LCLAT1: variants seen among roughly 807,000 people sequenced by gnomAD.
The protein encoded by LCLAT1 is 1-AGP acyltransferase 8.
LCLAT1 carries 11 observed loss-of-function variants against 30.7 expected under a neutral mutation model. That is an observed-to-expected ratio of 0.36 (90% CI 0.23 to 0.59). The LOEUF is 0.59. Among genes scored for constraint, LCLAT1 ranks in the 20% least tolerant of loss-of-function variants. The probability of loss-of-function intolerance (pLI) is 0.77; values close to 1 mark genes in which losing one functional copy is unlikely to be tolerated. For synonymous variants in LCLAT1, 155 were observed against 151.3 expected, an observed-to-expected ratio of 1.02 and a Z score of -0.18; for missense variants, 402 against 458.6, an observed-to-expected ratio of 0.88 and a Z score of 1.13.
In LCLAT1 at chr2:30,640,271, C is replaced by A. The variant is rs1385724909; in HGVS notation, c.783C>A (p.Asp261Glu). 1 of 1,614,058 alleles carries A rather than the reference C, an allele frequency of 6.2e-7. No homozygotes were observed. The highest frequency in any genetic ancestry group is 1.7e-5 in the Admixed American group (1 of 59,996). ...PIDTLPTSKEDLQLWCHKRWE... is the reference protein window; with the variant it reads ...PIDTLPTSKEELQLWCHKRWE... Reference sequence around the variant, plus strand: ...ACACCCTCCCCACATCCAAGGAGGACCTTCAACTCTGGTGCCACAAACGGT... The same window carrying A: ...ACACCCTCCCCACATCCAAGGAGGAACTTCAACTCTGGTGCCACAAACGGT... Residue 261 changes from aspartate to glutamate, a missense_variant, in exon 6 of 6, where the codon GAC (aspartate) becomes GAA (glutamate). Asp to Glu is a conservative substitution (Grantham distance 45, BLOSUM62 2). Transcript: ENST00000379509.
At chr2:30,567,874 A>T (rs575089901) in intron 4 of LCLAT1, among the ~76,000 whole-genome samples, 186 bp from the exon 5 acceptor site, 32 of 152,294 alleles carry the variant, frequency 2.1e-4, no homozygotes, top group African/African-American at 7.5e-4. Flanking sequence ...GTCTGGTTAC[A>T]TAAGTAGGTC....
Position 30,643,345 on chromosome 2 carries a change from C to CA in LCLAT1, c.*2727dup, listed in dbSNP as rs1020149094. The stretch of plus-strand genomic sequence containing the variant: ...TGAAATATGAACTTACAAGGAGGGG[C>CA]ACTCATTAGGTAACAAGTTCTTACA... On this transcript the variant is annotated 3_prime_UTR_variant, in exon 6 of 6. Transcript: ENST00000379509. 3 of 116,656 alleles carry CA rather than the reference C, an allele frequency of 2.6e-5. No homozygotes were observed. Among genetic ancestry groups the CA allele is most frequent in the Non-Finnish European group, 3.5e-5 (2 of 57,070 alleles). 7.2% of individuals were successfully genotyped at this position (116,656 alleles called of 1,614,324 possible). A position where few individuals can be genotyped will look rare whatever the true frequency, so the allele number is the denominator to read the frequency against.
At chr2:30,528,081 A>G (rs1685806909) in intron 2 of LCLAT1, among the ~76,000 whole-genome samples, 1 of 152,052 alleles carries the variant, frequency 6.6e-6, no homozygotes, top group Non-Finnish European at 1.5e-5. Flanking sequence ...TCTTTGCCCC[A>G]CTCTGGAGGA....
At chr2:30,449,039 TC>T (rs59309577) in intron 1 of LCLAT1, among the ~76,000 whole-genome samples, 2,783 of 152,332 alleles carry the variant, frequency 0.018, 46 homozygotes, top group South Asian at 0.034. Context: ...AACTCAGTCA[TC>T]TAGCATCACT....
rs78544851 is a variant in LCLAT1 at position 30,629,875 on chromosome 2, C to T, written c.629-10242C>T. On this transcript the variant is annotated intron_variant, in intron 5 of 5. Transcript: ENST00000379509. ...TGTTTTAGAAAGTCTTTAACAGCAT[C>T]GATGGAAAGATGCACGAAAAATAAA... Among the ~76,000 whole-genome samples, 1,368 of 151,586 alleles carry T rather than the reference C, an allele frequency of 9.0e-3. 17 individuals are homozygous for T. The highest frequency in any genetic ancestry group is 0.031 in the African/African-American group (1,272 of 41,328).
At chr2:30,618,908 G>A (rs977328648) in intron 5 of LCLAT1, among the ~76,000 whole-genome samples, 15 of 151,512 alleles carry the variant, frequency 9.9e-5, no homozygotes, top group Admixed American at 7.9e-4. Flanking sequence ...GCCCTTTTTT[G>A]TTTTTGCCTT....
In LCLAT1 at chr2:30,595,741, C is replaced by G. The variant is rs150560483; in HGVS notation, c.628+27565C>G. Among the ~76,000 whole-genome samples, 101 of 152,202 alleles carry G rather than the reference C, an allele frequency of 6.6e-4. 1 individual carries two copies. Among genetic ancestry groups the G allele is most frequent in the Middle Eastern group, 3.4e-3 (1 of 294 alleles). On this transcript the variant is annotated intron_variant, in intron 5 of 5. Transcript: ENST00000379509. ...TTTGCTGCACCTATCAACCCATCAC[C>G]TAAGTATTAAGCCCAGCATGCATTA...
At chr2:30,615,778 G>A (rs970723854) in intron 5 of LCLAT1, among the ~76,000 whole-genome samples, 2 of 152,150 alleles carry the variant, frequency 1.3e-5, no homozygotes, top group Non-Finnish European at 2.9e-5. Context: ...TGAGTCTGTG[G>A]TAAGGAATTT....
chr2:30,537,518 A>G (rs1383508911), intron 3 of LCLAT1, among the ~76,000 whole-genome samples: 1 of 118,688 alleles, frequency 8.4e-6, no homozygotes, highest in African/African-American at 3.5e-5. Flanking sequence ...TAACAATTGT[A>G]AATACACACA....
intron 5 of LCLAT1, among the ~76,000 whole-genome samples, chr2:30,633,940 T>C (rs1668894110): frequency 6.6e-6 from 1 of 152,224 alleles, no homozygotes; most frequent in East Asian, 1.9e-4. Flanking sequence ...TGTGTAAGGA[T>C]TTGGGCTCCC....
At chr2:30,632,313 G>T (rs1668804923) in intron 5 of LCLAT1, among the ~76,000 whole-genome samples, 1 of 152,206 alleles carries the variant, frequency 6.6e-6, no homozygotes. Flanking sequence ...GGTGGCCAAT[G>T]ATCCTAGAGC....
intron 5 of LCLAT1, among the ~76,000 whole-genome samples, chr2:30,618,855 A>C (rs1248639331): frequency 6.6e-6 from 1 of 152,170 alleles, no homozygotes; most frequent in Non-Finnish European, 1.5e-5. Flanking sequence ...TCTACATCAT[A>C]GTTTGTGAAT....
chr2:30,638,950 C>T (rs1027505871), intron 5 of LCLAT1, among the ~76,000 whole-genome samples: 1 of 151,912 alleles, frequency 6.6e-6, no homozygotes, highest in Non-Finnish European at 1.5e-5. Flanking sequence ...AGCCATCAAA[C>T]TATTCTACCT....
chr2:30,520,333 G>A (rs956070631), intron 1 of LCLAT1, among the ~76,000 whole-genome samples: 36 of 152,182 alleles, frequency 2.4e-4, no homozygotes, highest in African/African-American at 7.7e-4. Flanking sequence ...AATAAGTTTT[G>A]TATGAGGTAT....
chr2:30,526,200 A>G (rs1685712322), intron 2 of LCLAT1, among the ~76,000 whole-genome samples: 1 of 151,436 alleles, frequency 6.6e-6, no homozygotes, highest in Admixed American at 6.6e-5. Flanking sequence ...TTTTTTTCAC[A>G]TTTTTTTCTG....
chr2:30,469,054 T>G (rs547881356), intron 1 of LCLAT1, among the ~76,000 whole-genome samples: 1 of 152,364 alleles, frequency 6.6e-6, no homozygotes, highest in African/African-American at 2.4e-5. Context: ...TATGTTTTCT[T>G]TGGAGAAATA....
intron 1 of LCLAT1, among the ~76,000 whole-genome samples, chr2:30,464,012 G>T (rs553984269): frequency 4.6e-5 from 7 of 152,292 alleles, no homozygotes; most frequent in African/African-American, 1.7e-4. Flanking sequence ...ATGTATATGT[G>T]TTTTATAATT....
intron 3 of LCLAT1, among the ~76,000 whole-genome samples, chr2:30,536,427 C>T (rs1389322111): frequency 6.6e-6 from 1 of 152,308 alleles, no homozygotes; most frequent in Non-Finnish European, 1.5e-5. Context: ...CCCCATCAGA[C>T]TAATGGCAGA....
At chr2:30,467,165 C>T (rs1682482230) in intron 1 of LCLAT1, among the ~76,000 whole-genome samples, 1 of 152,146 alleles carries the variant, frequency 6.6e-6, no homozygotes, top group African/African-American at 2.4e-5. Context: ...GTTCAATTCC[C>T]ACCTATGAGT....
Sources: gnomAD v4.1 joint callset for allele counts (sites outside exome capture counted in the v4.1 genomes callset) on GRCh38, gnomAD v4.1.1 for gene constraint, MANE v1.5 for transcripts, NCBI Gene and HGNC (gene_info 2026-07-23, HGNC 2026-07-21) for gene names.